Variants in POLR3A observed in about 807,000 individuals in gnomAD.
The protein encoded by POLR3A is DNA-directed RNA polymerase III subunit RPC1.
POLR3A carries 112 observed loss-of-function variants against 152.8 expected under a neutral mutation model. That is an observed-to-expected ratio of 0.73 (90% CI 0.63 to 0.86). POLR3A has a LOEUF of 0.86. Ranked by LOEUF, POLR3A falls within the 40% of genes least tolerant of loss-of-function variation. POLR3A has a pLI of 0.00. For synonymous variants in POLR3A, 615 were observed against 652.1 expected, an observed-to-expected ratio of 0.94 and a Z score of 0.87; for missense variants, 1,385 against 1,743.1, an observed-to-expected ratio of 0.79 and a Z score of 3.66.
At position 78,024,767 on chromosome 10, in the gene POLR3A, T is replaced by C. The variant is rs1045926391; in HGVS notation, c.491-64A>G. On this transcript the variant is annotated intron_variant, in intron 4 of 30. Coordinates refer to ENST00000372371, the MANE Select transcript of POLR3A (RefSeq NM_007055.4). ...ATGTTCTCAGATTGGCCAGAGATTG[T>C]AGTATGGTTAATGAAATTACTGAAA... is the stretch of plus-strand genomic sequence containing the variant. 10 of 1,474,724 alleles carry C rather than the reference T, an allele frequency of 6.8e-6. No homozygotes were observed. The East Asian group carries it at 1.1e-4, about 17-fold the overall frequency. The allele number at this position is 1,474,724 out of a possible 1,614,324, so 91.4% of individuals were successfully genotyped here. A position where few individuals can be genotyped will look rare whatever the true frequency, so the allele number is the denominator to read the frequency against.
At chr10:78,020,779 C>T (rs987751389) in intron 8 of POLR3A, among the ~76,000 whole-genome samples, 1 of 152,156 alleles carries the variant, frequency 6.6e-6, no homozygotes, top group African/African-American at 2.4e-5. Context: ...CAGAGCGAGA[C>T]TCCACCTCAA....
At chr10:78,009,817 A>G in intron 13 of POLR3A, 47 bp downstream of exon 13, 1 of 1,610,570 alleles carries the variant, frequency 6.2e-7, no homozygotes, top group Non-Finnish European at 8.5e-7. Flanking sequence ...CTACCCCCAC[A>G]GACACATACA....
In POLR3A at chr10:78,017,682, G is replaced by A; in HGVS notation, c.1324C>T (p.Gln442Ter). 1 of 1,614,128 alleles carries A rather than the reference G, an allele frequency of 6.2e-7. No homozygotes were observed. The stretch of plus-strand genomic sequence containing the variant: ...ACGATGTCACCATACTTGAGCTCTT[G>A]AGCCATCTTTTCTCGATTTCCGTAT... ...LKYGNREKMA[Q>*]ELKYGDIVER... Residue 442 changes from glutamine to a stop codon, truncating the protein, a stop_gained, in exon 10 of 31, where the codon CAA becomes TAA. Transcript: ENST00000372371. LOFTEE classifies it high-confidence loss of function.
Position 78,007,776 on chromosome 10 carries a change from A to T in POLR3A, c.2000T>A (p.Leu667Ter). The T allele has an allele frequency of 1.2e-6, 2 of 1,614,162 alleles. No individual in the cohort carries two copies. Among genetic ancestry groups the T allele is most frequent in the Non-Finnish European group, 1.7e-6 (2 of 1,179,976 alleles). ...TTCATTCTGTCCCCAGTCTCGCAGC[A>T]AAATGTAAAAAATATTGTTCTTGGA... ...SGSKNNIFYI[L>*]LRDWGQNEAA... is the part of the protein sequence containing the mutation. The change falls in exon 15 of 31, where the codon TTG becomes TAG. Residue 667 changes from leucine to a stop codon, truncating the protein, a stop_gained. Coordinates refer to ENST00000372371, the MANE Select transcript of POLR3A (RefSeq NM_007055.4). LOFTEE classifies it high-confidence loss of function.
At position 77,982,780 on chromosome 10, in the gene POLR3A, G is replaced by A; in HGVS notation, c.3467C>T (p.Ser1156Phe). The A allele has an allele frequency of 6.2e-7, 1 of 1,614,060 alleles. No homozygotes were observed. The highest frequency in any genetic ancestry group is 8.5e-7 in the Non-Finnish European group (1 of 1,179,996). The change falls in exon 27 of 31, where the codon TCC becomes TTC. Residue 1156 changes from serine (S) to phenylalanine (F), a missense_variant. By Grantham distance (155) the Ser-to-Phe change is radical. Coordinates refer to ENST00000372371, the MANE Select transcript of POLR3A (RefSeq NM_007055.4). ...AETVRYSICT[S>F]KLRVKPGDVA... ...ATCACCGGGCTTCACACGGAGCTTG[G>A]ATGTGCAGATGGAATATCTCACTGT... is the stretch of plus-strand genomic sequence containing the variant.
intron 5 of POLR3A, 93 bp downstream of exon 5, chr10:78,024,456 G>T: frequency 1.5e-6 from 2 of 1,303,216 alleles, no homozygotes; most frequent in Non-Finnish European, 1.1e-6. Context: ...GTGTCTAGGG[G>T]TGGGGCGGAG....
rs1847160839 is a variant in POLR3A, at chr10:77,982,819, T to A, written c.3430-2A>T. The A allele has an allele frequency of 6.2e-7, 1 of 1,613,660 alleles. No homozygotes were observed. Reference sequence around the variant, plus strand: ...ATATCTCACTGTCTCAGCGTTCACCTGCAACATGGCCAGGTGTAGGTGTTA... The same window carrying A: ...ATATCTCACTGTCTCAGCGTTCACCAGCAACATGGCCAGGTGTAGGTGTTA... On this transcript the variant is annotated splice_acceptor_variant, in intron 26 of 30. Coordinates refer to ENST00000372371, the MANE Select transcript of POLR3A (RefSeq NM_007055.4). LOFTEE classifies it high-confidence loss of function.
At chr10:78,018,915 A>C (rs1050094397) in intron 9 of POLR3A, among the ~76,000 whole-genome samples, 3 of 152,172 alleles carry the variant, frequency 2.0e-5, no homozygotes, top group African/African-American at 7.2e-5. Flanking sequence ...TTTAGTATCC[A>C]TGGTATTTTG....
rs747927718 is a variant in POLR3A, at chr10:78,024,977, A to C, written c.484T>G (p.Phe162Val). The C allele has an allele frequency of 6.2e-7, 1 of 1,614,196 alleles. No homozygotes were observed. The highest frequency in any genetic ancestry group is 1.6e-4 in the Middle Eastern group (1 of 6,062). ...TTCTGTGCATTCCACTCACCATTAA[A>C]AGCGCCACAGTGATGGCAGATGTTT... ...KKNICHHCGA[F>V]NGTVKKCGLL... Residue 162 changes from phenylalanine (F) to valine (V), a missense_variant, in exon 4 of 31, where the codon TTT becomes GTT. By Grantham distance (50) the Phe-to-Val change is conservative. Transcript: ENST00000372371.
chr10:78,010,586 G>A, intron 11 of POLR3A, 46 bp from the exon 12 acceptor site: 1 of 1,342,936 alleles, frequency 7.4e-7, no homozygotes, highest in Non-Finnish European at 1.1e-6. Context: ...TCGGATGCAT[G>A]ATGCAGCCCA....
intron 8 of POLR3A, chr10:78,019,783 T>C (rs1404371400): frequency 1.2e-5 from 2 of 168,510 alleles, no homozygotes; most frequent in Non-Finnish European, 2.6e-5. Flanking sequence ...ACCAGGAACA[T>C]CTATGATCTG....
At chr10:78,029,080 T>G (rs1000990329) in intron 1 of POLR3A, among the ~76,000 whole-genome samples, 80 of 152,238 alleles carry the variant, frequency 5.3e-4, no homozygotes, top group South Asian at 6.2e-4. Context: ...TTGTATGACT[T>G]CAGGAGAATG....
intron 14 of POLR3A, among the ~76,000 whole-genome samples, chr10:78,008,245 T>C (rs1847430114): frequency 6.6e-6 from 1 of 152,176 alleles, no homozygotes; most frequent in African/African-American, 2.4e-5. Context: ...TTGTTACTCA[T>C]ATAAGATATT....
rs1440024141 is a variant in POLR3A at position 78,013,645 on chromosome 10, C to T, written c.1572+5G>A. 8 of 1,613,902 alleles carry T rather than the reference C, an allele frequency of 5.0e-6. No homozygotes were observed. Among genetic ancestry groups the T allele is most frequent in the Admixed American group, 1.7e-5 (1 of 59,992 alleles). On this transcript the variant is annotated splice_donor_5th_base_variant and intron_variant, in intron 11 of 30. Transcript: ENST00000372371. ...GCAAAAGCTGGGCTGTGCCACCCTA[C>T]ATACCCCCATCAGAACAAGGGCCTC... is the stretch of plus-strand genomic sequence containing the variant.
At position 78,014,710 on chromosome 10, in the gene POLR3A, T is replaced by TA. The variant is rs796744295; in HGVS notation, c.1432-921dup. On this transcript the variant is annotated intron_variant, in intron 10 of 30. Transcript: ENST00000372371. ...GAGCCACCGCACCTGGCCCTTTCTT[T>TA]AAAAAAAAAAAAATTTTTTTTCCTA... 2.2e-3 allele frequency among the ~76,000 whole-genome samples: 321 copies of TA among 147,798 alleles called. 4 individuals carry two copies. The highest frequency in any genetic ancestry group is 0.02 in the South Asian group (95 of 4,694).
Position 78,021,660 on chromosome 10 carries a change from T to G in POLR3A, c.1071A>C (p.Ser357=). 6.2e-7 allele frequency: 1 copy of G among 1,614,122 alleles called. No individual in the cohort carries two copies. Among genetic ancestry groups the G allele is most frequent in the Non-Finnish European group, 8.5e-7 (1 of 1,180,016 alleles). ...GKQGRFRGNL[S]GKRVDFSGRT... ...TGCCAGAAAAATCCACTCTCTTTCC[T>G]GAGAGATTTCCTCTAAATCGACCTA... Residue 357 remains serine, a synonymous_variant, in exon 8 of 31, where the codon TCA becomes TCC. Transcript: ENST00000372371.
In POLR3A at chr10:77,977,449, G is replaced by T. The variant is rs781209023; in HGVS notation, c.*29C>A. 1.2e-5 allele frequency: 19 copies of T among 1,612,154 alleles called. No homozygotes were observed. Among genetic ancestry groups the T allele is most frequent in the Non-Finnish European group, 1.6e-5 (19 of 1,178,362 alleles). ...AGCTGGAGACAGGACAAGGAGTCAA[G>T]GTCAGGCATGGTCCCCTCTTTCTTT... On this transcript the variant is annotated 3_prime_UTR_variant, in exon 31 of 31. Coordinates refer to ENST00000372371, the MANE Select transcript of POLR3A (RefSeq NM_007055.4).
chr10:77,984,720 G>A lies in POLR3A; in HGVS notation c.3243-422C>T, dbSNP rs184913030. Among the ~76,000 whole-genome samples, 143 of 152,230 alleles carry A rather than the reference G, an allele frequency of 9.4e-4. No individual in the cohort carries two copies. The Middle Eastern group carries it at 0.02, about 22-fold the overall frequency. ...GGTAAAAATCATTATTTTTGTCATC[G>A]AAGGCATTGTAATACATTTCTATTT... On this transcript the variant is annotated intron_variant, in intron 24 of 30. Transcript: ENST00000372371.
intron 16 of POLR3A, among the ~76,000 whole-genome samples, chr10:78,002,513 A>T (rs907086583): frequency 6.6e-6 from 1 of 152,306 alleles, no homozygotes; most frequent in Non-Finnish European, 1.5e-5. Context: ...AAATTGGTGT[A>T]TAAGGCAAAC....
Sources: allele counts gnomAD v4.1 joint callset (sites outside exome capture counted in the v4.1 genomes callset), GRCh38; gene constraint gnomAD v4.1.1; transcripts MANE v1.5; gene names NCBI Gene and HGNC (gene_info 2026-07-23, HGNC 2026-07-21).